The following PLXDC2 variants were observed in gnomAD, a reference collection of about 807,000 sequenced individuals.
PLXDC2 encodes plexin domain containing 2, also known as plexin domain-containing protein 2.
PLXDC2 carries 40 observed loss-of-function variants against 68.9 expected under a neutral mutation model. The observed-to-expected ratio is 0.58, with a 90% CI of 0.45 to 0.76. PLXDC2 has a LOEUF of 0.76. Ranked by LOEUF, PLXDC2 falls within the 30% of genes least tolerant of loss-of-function variation. The probability of loss-of-function intolerance (pLI) is 0.00; values close to 1 mark genes in which losing one functional copy is unlikely to be tolerated. For missense variants in PLXDC2, 644 were observed against 661.9 expected, an observed-to-expected ratio of 0.97 and a Z score of 0.30; for synonymous variants, 243 against 234.2, an observed-to-expected ratio of 1.04 and a Z score of -0.34.
At chr10:19,960,902 T>C (rs1834145300) in intron 1 of PLXDC2, among the ~76,000 whole-genome samples, 2 of 152,196 alleles carry the variant, frequency 1.3e-5, no homozygotes, top group African/African-American at 4.8e-5. Context: ...ACTAAGAATA[T>C]AAAATCAATG....
chr10:20,119,758 G>A (rs996511680), intron 4 of PLXDC2, among the ~76,000 whole-genome samples: 9 of 152,156 alleles, frequency 5.9e-5, no homozygotes, highest in African/African-American at 1.7e-4. Flanking sequence ...ACCTAGAGTG[G>A]GAGAGATTAA....
At chr10:20,109,784 A>T (rs2131746942) in intron 4 of PLXDC2, among the ~76,000 whole-genome samples, 1 of 152,272 alleles carries the variant, frequency 6.6e-6, no homozygotes, top group East Asian at 1.9e-4. Context: ...TAACTTCCAA[A>T]CATGGAAAGT....
intron 9 of PLXDC2, among the ~76,000 whole-genome samples, chr10:20,178,059 T>G (rs981837749): frequency 1.3e-5 from 2 of 152,132 alleles, no homozygotes; most frequent in African/African-American, 4.8e-5. Flanking sequence ...AAGCATGTTA[T>G]GAGATATATT....
chr10:19,989,752 T>G (rs986538415), intron 1 of PLXDC2, among the ~76,000 whole-genome samples: 2 of 11,296 alleles, frequency 1.8e-4, no homozygotes, highest in African/African-American at 2.5e-3. Flanking sequence ...CTTATGTGAA[T>G]TTTTTTTTTT....
chr10:19,817,927 G>A (rs1476805339), intron 1 of PLXDC2, among the ~76,000 whole-genome samples: 5 of 152,166 alleles, frequency 3.3e-5, no homozygotes, highest in African/African-American at 1.2e-4. Flanking sequence ...TCCTCTTAGT[G>A]GCTGTCCTGG....
chr10:20,275,869 C>T (rs553492151), intron 13 of PLXDC2, among the ~76,000 whole-genome samples: 17 of 151,982 alleles, frequency 1.1e-4, no homozygotes, highest in South Asian at 2.1e-4. Context: ...GCTGAGATCG[C>T]GCCACTGCTC....
chr10:20,103,791 C>T (rs954603357), intron 4 of PLXDC2, among the ~76,000 whole-genome samples: 5 of 151,940 alleles, frequency 3.3e-5, no homozygotes, highest in Admixed American at 6.6e-5. Context: ...TACAGGCATG[C>T]GCCACCACGC....
At chr10:19,844,313 G>A (rs184244264) in intron 1 of PLXDC2, among the ~76,000 whole-genome samples, 28 of 152,282 alleles carry the variant, frequency 1.8e-4, no homozygotes, top group Admixed American at 5.2e-4. Context: ...TCCTATCCCA[G>A]CGGGTACAGA....
chr10:19,852,093 C>T (rs762947973), intron 1 of PLXDC2, among the ~76,000 whole-genome samples: 13 of 152,020 alleles, frequency 8.6e-5, no homozygotes, highest in African/African-American at 2.2e-4. Context: ...ACCTACTGAA[C>T]GAGGATCTGC....
rs573873005 is a variant in PLXDC2 at position 20,172,378 on chromosome 10, G to A, written c.884-4621G>A. Among the ~76,000 whole-genome samples, 132 of 152,208 alleles carry A rather than the reference G, an allele frequency of 8.7e-4. 1 individual carries two copies. The highest frequency in any genetic ancestry group is 2.2e-3 in the African/African-American group (90 of 41,532). On this transcript the variant is annotated intron_variant, in intron 7 of 13. Coordinates refer to ENST00000377252, the MANE Select transcript of PLXDC2 (RefSeq NM_032812.9). Reference sequence around the variant, plus strand: ...ACAAGCAGCCCTCAGCAATGGAACCGTGATATTGTCACAGGCCCGCAGCCC... The same window carrying A: ...ACAAGCAGCCCTCAGCAATGGAACCATGATATTGTCACAGGCCCGCAGCCC...
chr10:20,060,445 A>G (rs1021803170), intron 3 of PLXDC2, among the ~76,000 whole-genome samples: 13 of 151,838 alleles, frequency 8.6e-5, no homozygotes, highest in Non-Finnish European at 1.9e-4. Context: ...TCCTGGAACT[A>G]TACTTAGAGG....
chr10:19,937,544 GTATATATATATATATATATATATATA>G (rs71388881), intron 1 of PLXDC2, among the ~76,000 whole-genome samples: 4 of 95,980 alleles, frequency 4.2e-5, no homozygotes, highest in East Asian at 3.3e-4. Flanking sequence ...TATAGTCAAT[GTATATATATATATATATATATATATA>G]TATATATATA....
At chr10:20,010,608 T>C (rs550382571) in intron 2 of PLXDC2, among the ~76,000 whole-genome samples, 3 of 152,216 alleles carry the variant, frequency 2.0e-5, no homozygotes, top group African/African-American at 7.2e-5. Flanking sequence ...GTTAGCTAAT[T>C]GAGTTTACTT....
chr10:20,177,514 T>C, intron 9 of PLXDC2, 105 bp downstream of exon 9: 3 of 459,538 alleles, frequency 6.5e-6, no homozygotes, highest in Non-Finnish European at 9.6e-6. Flanking sequence ...ACACTTGTAA[T>C]CCCAGCACTT....
intron 12 of PLXDC2, among the ~76,000 whole-genome samples, chr10:20,223,307 A>C (rs997072423): frequency 7.7e-6 from 1 of 129,400 alleles, no homozygotes; most frequent in African/African-American, 2.9e-5. Flanking sequence ...CTTTCACAGA[A>C]TTGAATTTTT....
intron 9 of PLXDC2, among the ~76,000 whole-genome samples, chr10:20,192,297 T>C (rs1351203386): frequency 6.6e-6 from 1 of 152,048 alleles, no homozygotes; most frequent in Non-Finnish European, 1.5e-5. Flanking sequence ...GAAGAAGCCC[T>C]TCCTGGCCTA....
intron 6 of PLXDC2, among the ~76,000 whole-genome samples, chr10:20,162,777 A>G (rs1414326928): frequency 6.6e-6 from 1 of 151,992 alleles, no homozygotes; most frequent in Non-Finnish European, 1.5e-5. Flanking sequence ...TAAATAAAAT[A>G]TATCAGCCAG....
intron 1 of PLXDC2, among the ~76,000 whole-genome samples, chr10:19,927,402 T>A (rs1296811993): frequency 6.6e-6 from 1 of 151,902 alleles, no homozygotes; most frequent in South Asian, 2.1e-4. Context: ...AGAGACAAAT[T>A]TATAAAAGCA....
chr10:20,156,519 A>T (rs984477249), intron 6 of PLXDC2, among the ~76,000 whole-genome samples: 4 of 152,204 alleles, frequency 2.6e-5, no homozygotes, highest in Middle Eastern at 3.4e-3. Context: ...TCCCTCATGA[A>T]TTTCTTCTCT....
Sources: allele counts gnomAD v4.1 joint callset (sites outside exome capture counted in the v4.1 genomes callset), GRCh38; gene constraint gnomAD v4.1.1; transcripts MANE v1.5; gene names NCBI Gene and HGNC (gene_info 2026-07-23, HGNC 2026-07-21).